FER1L6: variants seen among roughly 807,000 people sequenced by gnomAD.
The protein encoded by FER1L6 is fer-1-like protein 6.
FER1L6 carries 177 observed loss-of-function variants against 219.2 expected under a neutral mutation model. The observed-to-expected ratio is 0.81, with a 90% CI of 0.71 to 0.91. The LOEUF is 0.91. Ranked by LOEUF, FER1L6 falls within the 40% of genes least tolerant of loss-of-function variation. FER1L6 has a pLI of 0.00. For missense variants in FER1L6, 2,153 were observed against 2,259.9 expected, an observed-to-expected ratio of 0.95 and a Z score of 0.96; for synonymous variants, 768 against 824.3, an observed-to-expected ratio of 0.93 and a Z score of 1.17.
At chr8:123,875,362 G>A (rs1816990265) in intron 1 of FER1L6, among the ~76,000 whole-genome samples, 1 of 152,100 alleles carries the variant, frequency 6.6e-6, no homozygotes, top group African/African-American at 2.4e-5. Flanking sequence ...CAGTTTCTGG[G>A]ACGTCATGGA....
intron 6 of FER1L6, among the ~76,000 whole-genome samples, chr8:123,973,104 G>A (rs906919034): frequency 3.9e-5 from 6 of 152,146 alleles, no homozygotes; most frequent in South Asian, 2.1e-4. Context: ...ACTGAATGGC[G>A]GAGGTGACTT....
chr8:123,864,798 C>T (rs1554609093), intron 1 of FER1L6, among the ~76,000 whole-genome samples: 1 of 150,612 alleles, frequency 6.6e-6, no homozygotes, highest in African/African-American at 2.5e-5. Flanking sequence ...CTGCATTCTT[C>T]ACGTAGTTCT....
intron 1 of FER1L6, among the ~76,000 whole-genome samples, chr8:123,923,000 G>A (rs556306247): frequency 1.3e-5 from 2 of 151,818 alleles, no homozygotes; most frequent in East Asian, 3.9e-4. Flanking sequence ...ATTCTGTCTT[G>A]CCTTCTCTGC....
chr8:123,944,587 C>T (rs1415923286), intron 1 of FER1L6, among the ~76,000 whole-genome samples: 1 of 152,106 alleles, frequency 6.6e-6, no homozygotes, highest in Non-Finnish European at 1.5e-5. Flanking sequence ...CATACACGTA[C>T]ACACACTCTC....
At chr8:124,103,374 A>G in intron 39 of FER1L6, 65 bp downstream of exon 39, 4 of 1,505,280 alleles carry the variant, frequency 2.7e-6, no homozygotes, top group Middle Eastern at 2.1e-4. Flanking sequence ...TTTTCCACTG[A>G]GTCATTTTGT....
intron 16 of FER1L6, among the ~76,000 whole-genome samples, chr8:124,019,339 C>T (rs1279102348): frequency 6.6e-6 from 1 of 152,222 alleles, no homozygotes; most frequent in Non-Finnish European, 1.5e-5. Context: ...GCTCAAATGT[C>T]ATATTCTCCA....
intron 3 of FER1L6, 59 bp downstream of exon 3, chr8:123,963,457 C>G: frequency 6.3e-7 from 1 of 1,588,286 alleles, no homozygotes; most frequent in South Asian, 1.1e-5. Flanking sequence ...ATGTGCCAAG[C>G]ACCTCTACAG....
At chr8:124,072,205 C>T (rs1259824451) in intron 31 of FER1L6, among the ~76,000 whole-genome samples, 1 of 152,200 alleles carries the variant, frequency 6.6e-6, no homozygotes, top group African/African-American at 2.4e-5. Context: ...CAAGGCAGAA[C>T]AGGGCAGCTG....
intron 1 of FER1L6, among the ~76,000 whole-genome samples, chr8:123,877,809 AT>A (rs1360082340): frequency 6.6e-6 from 1 of 151,300 alleles, no homozygotes; most frequent in Admixed American, 6.6e-5. Context: ...AGTGAGACTG[AT>A]TTTTTTCCTT....
intron 18 of FER1L6, among the ~76,000 whole-genome samples, chr8:124,026,122 G>C (rs955262331): frequency 2.0e-5 from 3 of 152,102 alleles, no homozygotes; most frequent in African/African-American, 7.2e-5. Flanking sequence ...AGATTCTACT[G>C]TCTCTAACTC....
intron 2 of FER1L6, among the ~76,000 whole-genome samples, chr8:123,961,648 C>T (rs1815281535): frequency 6.6e-6 from 1 of 152,050 alleles, no homozygotes; most frequent in East Asian, 1.9e-4. Flanking sequence ...TTACAGGTTA[C>T]AGGAGGAGCT....
chr8:124,071,490 C>A lies in FER1L6; in HGVS notation c.3967-16C>A, dbSNP rs199897193. On this transcript the variant is annotated splice_polypyrimidine_tract_variant and intron_variant, in intron 30 of 40. Coordinates refer to ENST00000522917, the MANE Select transcript of FER1L6 (RefSeq NM_001039112.2). ...ATGACCATCTCATTTCAATGGGTTG[C>A]GTTTTGTGGTTCCAGGGCTCCTTCT... The A allele has an allele frequency of 9.3e-6, 15 of 1,613,486 alleles. No individual in the cohort carries two copies. The Admixed American group carries it at 2.3e-4, about 25-fold the overall frequency.
chr8:124,116,562 T>C (rs112444896), intron 39 of FER1L6, among the ~76,000 whole-genome samples: 2,353 of 152,098 alleles, frequency 0.015, 79 homozygotes, highest in African/African-American at 0.054. Context: ...TGAAACACCA[T>C]GCAAGTTATA....
At chr8:123,974,659 C>CAAAAAAAAA (rs994690186) in intron 7 of FER1L6, among the ~76,000 whole-genome samples, 944 of 47,716 alleles carry the variant, frequency 0.02, 90 homozygotes, top group Non-Finnish European at 0.034. Flanking sequence ...GACTCTGTCT[C>CAAAAAAAAA]AAAAAAAAAA....
At chr8:123,938,050 C>T (rs1359927796) in intron 1 of FER1L6, among the ~76,000 whole-genome samples, 1 of 152,174 alleles carries the variant, frequency 6.6e-6, no homozygotes, top group African/African-American at 2.4e-5. Flanking sequence ...TTGCTTATTA[C>T]ATTGTAGGTC....
At chr8:124,061,806 T>C in intron 24 of FER1L6, 46 bp from the exon 25 acceptor site, 3 of 1,594,798 alleles carry the variant, frequency 1.9e-6, no homozygotes, top group Non-Finnish European at 2.6e-6. Context: ...GGTCTGCCCA[T>C]GGAAGGGTCA....
At chr8:124,108,349 C>T (rs1822864118) in intron 39 of FER1L6, among the ~76,000 whole-genome samples, 3 of 137,686 alleles carry the variant, frequency 2.2e-5, no homozygotes, top group South Asian at 4.7e-4. Context: ...AGTATGTACA[C>T]CTCATGAGCT....
At chr8:123,911,096 C>T (rs994440029) in intron 1 of FER1L6, among the ~76,000 whole-genome samples, 1 of 151,984 alleles carries the variant, frequency 6.6e-6, no homozygotes, top group African/African-American at 2.4e-5. Context: ...GGCAGGAGTC[C>T]ATGGAATTCC....
At chr8:124,086,429 ACTAACTG>A (rs1169927702) in intron 33 of FER1L6, among the ~76,000 whole-genome samples, 2 of 151,318 alleles carry the variant, frequency 1.3e-5, no homozygotes, top group African/African-American at 4.9e-5. Context: ...AGCTGATAAC[ACTAACTG>A]CATAAACAAA....
Sources: gnomAD v4.1 joint callset for allele counts (sites outside exome capture counted in the v4.1 genomes callset) on GRCh38, gnomAD v4.1.1 for gene constraint, MANE v1.5 for transcripts, NCBI Gene and HGNC (gene_info 2026-07-23, HGNC 2026-07-21) for gene names.